The following TMEM164 variants were observed in gnomAD, a reference collection of about 807,000 sequenced individuals.
TMEM164 encodes the protein transmembrane protein 164, also known as RP13-360B22.2.
A neutral mutation model predicts 18.8 loss-of-function variants in TMEM164; 4 were observed. That is an observed-to-expected ratio of 0.21 (90% confidence interval 0.10 to 0.49). The LOEUF (loss-of-function observed/expected upper bound fraction) is 0.49. Among genes scored for constraint, TMEM164 ranks in the 20% least tolerant of loss-of-function variants. The pLI is 0.98. For synonymous variants in TMEM164, 86 were observed against 101.7 expected, an observed-to-expected ratio of 0.85 and a Z score of 0.93; for missense variants, 108 against 239.9, an observed-to-expected ratio of 0.45 and a Z score of 3.63.
At chrX:110,017,371 A>C (rs1331604135) in intron 2 of TMEM164, among the ~76,000 whole-genome samples, 1 of 99,910 alleles carries the variant, frequency 1.0e-5, no homozygotes, top group Non-Finnish European at 2.1e-5. Context: ...GCCTTCTTGA[A>C]AGTGAGGATC....
downstream of TMEM164, among the ~76,000 whole-genome samples, chrX:110,181,796 G>A (rs1019186978): frequency 9.8e-5 from 11 of 112,801 alleles, no homozygotes; most frequent in African/African-American, 3.2e-4. Context: ...ACCAGTGGGT[G>A]TGAGAGGGCT....
intron 3 of TMEM164, among the ~76,000 whole-genome samples, chrX:110,069,935 C>G (rs2065560924): frequency 8.9e-6 from 1 of 111,779 alleles, no homozygotes; most frequent in African/African-American, 3.3e-5. Context: ...ATGCTAGGAT[C>G]TACTTATGGA....
chrX:110,152,133 G>A (rs1322505051), intron 5 of TMEM164, among the ~76,000 whole-genome samples: 1 of 100,157 alleles, frequency 1.0e-5, no homozygotes, highest in African/African-American at 3.8e-5. Flanking sequence ...TCAGCTCACT[G>A]CAGCCTCCGC....
At chrX:110,046,041 C>A in intron 2 of TMEM164, 1 of 754,027 alleles carries the variant, frequency 1.3e-6, no homozygotes, top group Non-Finnish European at 1.6e-6. Context: ...CAGATCTAGG[C>A]TCCTACCTTT....
intron 5 of TMEM164, among the ~76,000 whole-genome samples, chrX:110,156,203 A>T (rs1228695811): frequency 8.9e-6 from 1 of 111,986 alleles, no homozygotes; most frequent in Admixed American, 9.5e-5. Context: ...AGTTAGCTCA[A>T]GGGTACTACC....
intron 3 of TMEM164, among the ~76,000 whole-genome samples, chrX:110,075,848 G>A (rs995273967): frequency 4.5e-5 from 5 of 111,168 alleles, no homozygotes; most frequent in African/African-American, 1.6e-4. Context: ...ATGTGCTGCT[G>A]GATTCAGTTT....
At chrX:110,069,559 G>A (rs1324484720) in intron 3 of TMEM164, among the ~76,000 whole-genome samples, 2 of 92,800 alleles carry the variant, frequency 2.2e-5, no homozygotes, top group East Asian at 6.5e-4. Context: ...TCCCAAATAT[G>A]TTTATATTGA....
At chrX:110,119,314 C>T (rs1171683769) in intron 4 of TMEM164, among the ~76,000 whole-genome samples, 1 of 110,897 alleles carries the variant, frequency 9.0e-6, no homozygotes, top group Non-Finnish European at 1.9e-5. Context: ...AAAATGGAGG[C>T]CAGGTGCAGT....
chrX:110,086,464 A>C (rs2065852509), intron 3 of TMEM164, among the ~76,000 whole-genome samples: 1 of 111,288 alleles, frequency 9.0e-6, no homozygotes, highest in Admixed American at 9.7e-5. Context: ...TTACATAAAC[A>C]GGAGGACCAG....
At chrX:110,110,906 G>GCAGACCACCTT (rs2066281707) in intron 4 of TMEM164, among the ~76,000 whole-genome samples, 1 of 112,376 alleles carries the variant, frequency 8.9e-6, no homozygotes, top group Non-Finnish European at 1.9e-5. Flanking sequence ...CAGACCACCT[G>GCAGACCACCTT]CATCAGAATG....
At chrX:110,051,019 C>T (rs940612749) in intron 2 of TMEM164, among the ~76,000 whole-genome samples, 2 of 112,108 alleles carry the variant, frequency 1.8e-5, no homozygotes, top group African/African-American at 6.5e-5. Context: ...TCTACTTTTT[C>T]TCTTCTGCTT....
At chrX:110,073,967 T>C (rs5985270) in intron 3 of TMEM164, among the ~76,000 whole-genome samples, 56,187 of 109,111 alleles carry the variant, frequency 0.51, 11,240 homozygotes, top group East Asian at 0.88. Context: ...AAACTCATCC[T>C]CCCGGGTCCA....
chrX:110,112,847 C>T (rs2066309539), intron 4 of TMEM164, among the ~76,000 whole-genome samples: 1 of 111,404 alleles, frequency 9.0e-6, no homozygotes, highest in African/African-American at 3.3e-5. Flanking sequence ...ACTGTAATGG[C>T]CTCCTTTGAA....
chrX:110,032,680 G>A (rs1055165271), intron 2 of TMEM164, among the ~76,000 whole-genome samples: 3 of 111,674 alleles, frequency 2.7e-5, no homozygotes, highest in Admixed American at 9.5e-5. Context: ...CTGTAAAGCT[G>A]AATAATAATG....
upstream of TMEM164, among the ~76,000 whole-genome samples, chrX:110,002,404 A>G (rs1242367933): frequency 3.7e-5 from 4 of 107,053 alleles, no homozygotes; most frequent in Non-Finnish European, 7.8e-5. Flanking sequence ...CGGAGGAGGG[A>G]GGAGGAGGGA....
At chrX:110,130,722 G>A (rs1277805899) in intron 4 of TMEM164, among the ~76,000 whole-genome samples, 1 of 106,430 alleles carries the variant, frequency 9.4e-6, no homozygotes, top group African/African-American at 3.5e-5. Context: ...AATACAGGAT[G>A]CTGGGCCCCA....
intron 4 of TMEM164, among the ~76,000 whole-genome samples, chrX:110,121,213 T>A (rs1602660950): frequency 2.7e-5 from 3 of 112,718 alleles, no homozygotes; most frequent in Admixed American, 9.4e-5. Context: ...AATTTACAAA[T>A]GAAAAGTTTA....
chrX:110,042,130 CTT>C (rs1261148402), intron 2 of TMEM164, among the ~76,000 whole-genome samples: 9 of 102,942 alleles, frequency 8.7e-5, no homozygotes, highest in Non-Finnish European at 8.0e-5. Context: ...ATTTCTAGCA[CTT>C]TTTTTTTTTT....
At chrX:110,003,469 CT>C (rs66969246) in intron 1 of TMEM164, 31 bp from the exon 2 acceptor site, 74,473 of 176,353 alleles carry the variant, frequency 0.42, 8,967 homozygotes, top group East Asian at 0.61. Flanking sequence ...TTTGAGACCT[CT>C]TTTTTTTTTT....
Sources: allele counts gnomAD v4.1 joint callset (sites outside exome capture counted in the v4.1 genomes callset), GRCh38; gene constraint gnomAD v4.1.1; transcripts MANE v1.5; gene names NCBI Gene and HGNC (gene_info 2026-07-23, HGNC 2026-07-21).